The following GNB4 variants were observed in gnomAD, a reference collection of about 807,000 sequenced individuals.
The protein encoded by GNB4 is guanine nucleotide-binding protein subunit beta-4.
Under a neutral mutation model 45.2 loss-of-function variants are expected in GNB4, and 28 were observed. That is an observed-to-expected ratio of 0.62 (90% CI 0.46 to 0.85). The LOEUF (loss-of-function observed/expected upper bound fraction) is 0.85. Ranked by LOEUF, GNB4 falls within the 40% of genes least tolerant of loss-of-function variation. GNB4 has a pLI of 0.00. For synonymous variants in GNB4, 132 were observed against 143.7 expected (o/e 0.92, Z 0.58); for missense variants, 321 against 425.4 (o/e 0.75, Z 2.16).
upstream of GNB4, among the ~76,000 whole-genome samples, chr3:179,453,790 G>A (rs1014477021): frequency 2.7e-5 from 4 of 150,484 alleles, no homozygotes; most frequent in Admixed American, 1.3e-4. Flanking sequence ...TTATCCAAAC[G>A]AATCTACTTC....
At chr3:179,409,604 G>A (rs542195621) in intron 8 of GNB4, among the ~76,000 whole-genome samples, 2 of 151,926 alleles carry the variant, frequency 1.3e-5, no homozygotes, top group African/African-American at 2.4e-5. Flanking sequence ...GAGGTCAAGA[G>A]ATCGAGACCA....
At chr3:179,463,629 T>C in the GNB4 span, among the ~76,000 whole-genome samples, 1 of 152,184 alleles carries the variant, frequency 6.6e-6, no homozygotes, top group East Asian at 1.9e-4. Context: ...ATCCTAAAAC[T>C]TGTGATGTTT....
At chr3:179,461,507 A>C in the GNB4 span, among the ~76,000 whole-genome samples, 1 of 152,208 alleles carries the variant, frequency 6.6e-6, no homozygotes, top group East Asian at 1.9e-4. Context: ...AAAAAAAAAA[A>C]AAAAAATGAT....
intron 1 of GNB4, among the ~76,000 whole-genome samples, chr3:179,439,643 A>G (rs1715547866): frequency 6.6e-6 from 1 of 152,212 alleles, no homozygotes; most frequent in South Asian, 2.1e-4. Context: ...ACCTGAGACA[A>G]ATGTATATCT....
intron 9 of GNB4, among the ~76,000 whole-genome samples, chr3:179,402,433 C>T (rs1312162414): frequency 6.6e-6 from 1 of 152,230 alleles, no homozygotes; most frequent in Non-Finnish European, 1.5e-5. Context: ...CAACGGAATA[C>T]TTCCAGGAAT....
the GNB4 span, among the ~76,000 whole-genome samples, chr3:179,480,609 C>T: frequency 1.3e-5 from 2 of 152,038 alleles, no homozygotes; most frequent in Non-Finnish European, 2.9e-5. Flanking sequence ...ACCCCATCTA[C>T]CAACTACTTG....
At chr3:179,511,214 C>T in the GNB4 span, among the ~76,000 whole-genome samples, 1 of 152,190 alleles carries the variant, frequency 6.6e-6, no homozygotes, top group Admixed American at 6.5e-5. Flanking sequence ...CAGAACTCAT[C>T]CTTTGCCACA....
chr3:179,477,611 C>T, the GNB4 span, among the ~76,000 whole-genome samples: 7 of 152,170 alleles, frequency 4.6e-5, no homozygotes, highest in Non-Finnish European at 7.3e-5. Context: ...GTGGCTCATG[C>T]CTGTAATCCC....
the GNB4 span, among the ~76,000 whole-genome samples, chr3:179,499,151 T>C: frequency 2.2e-5 from 3 of 134,096 alleles, no homozygotes; most frequent in Admixed American, 9.0e-5. Context: ...ATGTGCCACA[T>C]TTTCTTTTTT....
chr3:179,503,057 C>T, the GNB4 span, among the ~76,000 whole-genome samples: 8 of 152,226 alleles, frequency 5.3e-5, no homozygotes, highest in South Asian at 2.1e-4. Flanking sequence ...TGCTCTCAAA[C>T]GCCTGTCCTC....
In GNB4 at chr3:179,413,940, T is replaced by C. The variant is rs369370937; in HGVS notation, c.431-159A>G. Among the ~76,000 whole-genome samples, 9 of 152,338 alleles carry C rather than the reference T, an allele frequency of 5.9e-5. No homozygotes were observed. The East Asian group carries it at 7.7e-4, about 13-fold the overall frequency. On this transcript the variant is annotated intron_variant, in intron 6 of 9. Coordinates refer to ENST00000232564, the MANE Select transcript of GNB4 (RefSeq NM_021629.4). ...ACTTTTAGTTACTTCAAATCCTACA[T>C]TGTCTATAAACCAAATTTTATCCAC...
intron 1 of GNB4, among the ~76,000 whole-genome samples, chr3:179,446,151 A>G (rs935062206): frequency 1.3e-5 from 2 of 152,230 alleles, no homozygotes; most frequent in Non-Finnish European, 2.9e-5. Flanking sequence ...TTTTCTGTCC[A>G]TAACTATTGC....
At chr3:179,406,483 T>C (rs1436283038) in intron 8 of GNB4, among the ~76,000 whole-genome samples, 1 of 152,196 alleles carries the variant, frequency 6.6e-6, no homozygotes, top group Admixed American at 6.5e-5. Context: ...GCAGTGTCTA[T>C]TGTGAAAAAG....
At chr3:179,467,352 T>G in the GNB4 span, among the ~76,000 whole-genome samples, 1 of 152,178 alleles carries the variant, frequency 6.6e-6, no homozygotes, top group African/African-American at 2.4e-5. Flanking sequence ...CTGGATTAGT[T>G]AAGAAATTCT....
chr3:179,398,591 A>C lies in GNB4; in HGVS notation c.*2622T>G, dbSNP rs1486786088. On this transcript the variant is annotated 3_prime_UTR_variant, in exon 10 of 10. Transcript: ENST00000232564. ...ATGCAAATTTTTAAAAACTAAATCC[A>C]GCCAGATTTTTCAGCCTTAAAAACT... is the stretch of plus-strand genomic sequence containing the variant. 2 of 152,170 alleles carry C rather than the reference A, an allele frequency of 1.3e-5. No individual in the cohort carries two copies. The highest frequency in any genetic ancestry group is 2.9e-5 in the Non-Finnish European group (2 of 68,020). 9.4% of individuals were successfully genotyped at this position (152,170 alleles called of 1,614,324 possible).
chr3:179,417,552 T>C (rs1263939097), intron 4 of GNB4, among the ~76,000 whole-genome samples: 1 of 151,962 alleles, frequency 6.6e-6, no homozygotes, highest in East Asian at 1.9e-4. Flanking sequence ...GCATAACAGG[T>C]GTGCACCACC....
intron 1 of GNB4, among the ~76,000 whole-genome samples, chr3:179,436,999 A>C (rs1250896338): frequency 1.3e-5 from 2 of 152,176 alleles, no homozygotes; most frequent in Non-Finnish European, 2.9e-5. Context: ...ATATTTACTG[A>C]ATGTGCCAGG....
the GNB4 span, among the ~76,000 whole-genome samples, chr3:179,491,490 G>A: frequency 6.6e-6 from 1 of 152,158 alleles, no homozygotes; most frequent in South Asian, 2.1e-4. Flanking sequence ...GCATTAGGTT[G>A]TCCCAGGAAT....
intron 3 of GNB4, 61 bp downstream of exon 3, chr3:179,420,828 G>T: frequency 1.0e-6 from 1 of 976,696 alleles, no homozygotes; most frequent in Non-Finnish European, 1.6e-6. Context: ...AATGTCATTT[G>T]CCTCTATGTC....
Sources: allele counts gnomAD v4.1 joint callset (sites outside exome capture counted in the v4.1 genomes callset), GRCh38; gene constraint gnomAD v4.1.1; transcripts MANE v1.5; gene names NCBI Gene and HGNC (gene_info 2026-07-23, HGNC 2026-07-21).